HDAC4: variants seen among roughly 807,000 people sequenced by gnomAD.
HDAC4 encodes the protein histone deacetylase 4, also known as histone deacetylase A.
HDAC4 carries 16 observed loss-of-function variants against 135.1 expected under a neutral mutation model. That is an observed-to-expected ratio of 0.12 (90% confidence interval 0.08 to 0.18). HDAC4 has a LOEUF of 0.18. Among genes scored for constraint, HDAC4 ranks in the 10% least tolerant of loss-of-function variants. The probability of loss-of-function intolerance (pLI) is 1.00; values close to 1 mark genes in which losing one functional copy is unlikely to be tolerated. For synonymous variants in HDAC4, 685 were observed against 653.4 expected (o/e 1.05, Z -0.74); for missense variants, 1,143 against 1,511.8 (o/e 0.76, Z 4.05).
intron 7 of HDAC4, among the ~76,000 whole-genome samples, chr2:239,152,620 C>A (rs919292429): frequency 1.3e-5 from 2 of 152,196 alleles, no homozygotes; most frequent in Non-Finnish European, 2.9e-5. Context: ...AAGCCAGGAG[C>A]GAGGAGATGA....
At chr2:239,342,998 G>C (rs1692389110) in intron 2 of HDAC4, among the ~76,000 whole-genome samples, 2 of 152,162 alleles carry the variant, frequency 1.3e-5, no homozygotes. Flanking sequence ...GGGGGAAGGA[G>C]AGAGAAGCAA....
rs538893608 is a variant in HDAC4 at position 239,161,837 on chromosome 2, C to A, written c.611+1966G>T. 839 of 384,412 alleles carry A rather than the reference C, an allele frequency of 2.2e-3. 8 individuals carry two copies. The highest frequency in any genetic ancestry group is 0.016 in the African/African-American group (781 of 47,492). The allele number at this position is 384,412 out of a possible 1,614,324, so 23.8% of individuals were successfully genotyped here. On this transcript the variant is annotated intron_variant, in intron 6 of 26. Transcript: ENST00000543185. ...TTTGCCACCCCTCCTCCCTGGAAGC[C>A]CCCCATCTCCCGTCTCTCAGCACGT...
At position 239,331,520 on chromosome 2, in the gene HDAC4, G is replaced by A. The variant is rs1452116944; in HGVS notation, c.22+21158C>T. 6.6e-6 allele frequency among the ~76,000 whole-genome samples: 1 copy of A among 152,202 alleles called. No individual in the cohort carries two copies. Among genetic ancestry groups the A allele is most frequent in the Admixed American group, 6.5e-5 (1 of 15,282 alleles). ...CAACATAAAGATGAATGCAAGCCTGGAAAGCAAGCTGGGACTCGTGAACTA... is the reference window on the plus strand; with the variant it reads ...CAACATAAAGATGAATGCAAGCCTGAAAAGCAAGCTGGGACTCGTGAACTA... On this transcript the variant is annotated intron_variant, in intron 2 of 26. Transcript: ENST00000543185. This position sits in a 1 kb window ranked among gnomAD's most constrained non-coding sequence, Gnocchi z 4.5.
intron 2 of HDAC4, among the ~76,000 whole-genome samples, chr2:239,347,554 C>T (rs76639971): frequency 0.017 from 2,620 of 152,300 alleles, 42 homozygotes; most frequent in East Asian, 0.093. Flanking sequence ...CTTGCTCTGT[C>T]GGCCAGGCTA....
chr2:239,367,746 G>T (rs1173501832), intron 1 of HDAC4, among the ~76,000 whole-genome samples: 3 of 152,166 alleles, frequency 2.0e-5, no homozygotes, highest in African/African-American at 7.2e-5. Flanking sequence ...TCAGCACTTT[G>T]GGAGGCTGAG....
Position 239,095,021 on chromosome 2 carries a change from C to G in HDAC4, c.2269G>C (p.Gly757Arg). 1 of 1,613,886 alleles carries G rather than the reference C, an allele frequency of 6.2e-7. No individual in the cohort carries two copies. The highest frequency in any genetic ancestry group is 8.5e-7 in the Non-Finnish European group (1 of 1,179,994). ...AAAGGAACACTTACCCCAACACCAC[C>G]GCAAGGGAGCCGGACGAACACGGAG... is the stretch of plus-strand genomic sequence containing the variant. ...LASVFVRLPC[G>R]GVGVDSDTIW... Residue 757 changes from glycine (G) to arginine (R), a missense_variant, in exon 17 of 27, where the codon GGT becomes CGT. Physicochemically the swap from Gly to Arg is moderately radical, Grantham distance 125. This residue lies in a region of HDAC4 where 49 missense variants were observed against 55.6 expected (regional missense o/e 0.88). Coordinates refer to ENST00000543185, the MANE Select transcript of HDAC4 (RefSeq NM_001378414.1).
intron 14 of HDAC4, 83 bp from the exon 15 acceptor site, chr2:239,108,266 G>A (rs1385323156): frequency 2.7e-6 from 4 of 1,500,844 alleles, no homozygotes; most frequent in African/African-American, 1.4e-5. Flanking sequence ...CCGGGTGGTG[G>A]CGGAACCACC....
At chr2:239,082,283 A>C in intron 20 of HDAC4, 62 bp from the exon 21 acceptor site, 2 of 1,608,456 alleles carry the variant, frequency 1.2e-6, no homozygotes, top group Non-Finnish European at 1.7e-6. Context: ...GCCTCCCCTG[A>C]GGGCCGTCCC....
Position 239,090,650 on chromosome 2 carries a change from G to GAA in HDAC4, c.2281-536_2281-535dup, listed in dbSNP as rs201534156. Among the ~76,000 whole-genome samples, 837 of 145,438 alleles carry GAA rather than the reference G, an allele frequency of 5.8e-3. 5 individuals are homozygous for GAA. The highest frequency in any genetic ancestry group is 0.018 in the African/African-American group (695 of 39,484). ...ACAGTGAGGCTCTGTCTCCAAAAAG[G>GAA]AAAAAAAAAAAACTGGAAACTTTTT... On this transcript the variant is annotated intron_variant, in intron 17 of 26. Coordinates refer to ENST00000543185, the MANE Select transcript of HDAC4 (RefSeq NM_001378414.1).
intron 2 of HDAC4, among the ~76,000 whole-genome samples, chr2:239,295,261 C>T (rs377156646): frequency 1.5e-5 from 2 of 130,366 alleles, no homozygotes; most frequent in African/African-American, 2.9e-5. Flanking sequence ...GAGCCGAGAT[C>T]GCGCCCCTGC....
intron 2 of HDAC4, among the ~76,000 whole-genome samples, chr2:239,287,132 C>T (rs2051184053): frequency 1.3e-5 from 2 of 152,198 alleles, no homozygotes; most frequent in Admixed American, 1.3e-4. Flanking sequence ...CGTCACACTT[C>T]GTGAGCCCAC....
chr2:239,198,673 C>T (rs1198981281), intron 3 of HDAC4, among the ~76,000 whole-genome samples: 1 of 152,214 alleles, frequency 6.6e-6, no homozygotes, highest in African/African-American at 2.4e-5. Context: ...TCTGCTGAAT[C>T]GCTGTGACTC....
chr2:239,304,531 T>C (rs979642608), intron 2 of HDAC4, among the ~76,000 whole-genome samples: 2 of 152,160 alleles, frequency 1.3e-5, no homozygotes, highest in Non-Finnish European at 2.9e-5. Flanking sequence ...ACGTGCAAAG[T>C]GAGTTGCTTA....
At chr2:239,311,783 G>T (rs1410501162) in intron 2 of HDAC4, among the ~76,000 whole-genome samples, 1 of 152,202 alleles carries the variant, frequency 6.6e-6, no homozygotes, top group Non-Finnish European at 1.5e-5. Context: ...AATGATCATG[G>T]AACAGTGATG....
In HDAC4 at chr2:239,262,743, G is replaced by A. The variant is rs542695950; in HGVS notation, c.23-26079C>T. Among the ~76,000 whole-genome samples, 1 of 152,210 alleles carries A rather than the reference G, an allele frequency of 6.6e-6. No homozygotes were observed. Among genetic ancestry groups the A allele is most frequent in the African/African-American group, 2.4e-5 (1 of 41,464 alleles). Reference sequence around the variant, plus strand: ...GCGCAACGGGCACAGGGCATTCTGTGGGCCACGCTCGCAGCCCAAGAACAC... The same window carrying A: ...GCGCAACGGGCACAGGGCATTCTGTAGGCCACGCTCGCAGCCCAAGAACAC... On this transcript the variant is annotated intron_variant, in intron 2 of 26. Transcript: ENST00000543185. The surrounding 1 kb of genome is among the most constrained non-coding windows in gnomAD (Gnocchi z 4.1).
Position 239,382,108 on chromosome 2 carries a change from G to A in HDAC4, c.-220+18870C>T, listed in dbSNP as rs756026590. Among the ~76,000 whole-genome samples the A allele has an allele frequency of 2.0e-5, 3 of 152,230 alleles. 1 individual carries two copies. The highest frequency in any genetic ancestry group is 7.2e-5 in the African/African-American group (3 of 41,466). On this transcript the variant is annotated intron_variant, in intron 1 of 26. Transcript: ENST00000543185. ...CTCCATATTCCTCAGCACAATCAGC[G>A]ACAGCACAGACTCACACCAGCAGGA...
rs553331879 is a variant in HDAC4 at position 239,051,430 on chromosome 2, T to A, written c.*1667A>T. On this transcript the variant is annotated 3_prime_UTR_variant, in exon 27 of 27. Coordinates refer to ENST00000543185, the MANE Select transcript of HDAC4 (RefSeq NM_001378414.1). Reference sequence around the variant, plus strand: ...AAAACCTTTGAAAGGTAAAAAAAAATGTACAAGCAAGAATTCAGAAAGGAA... The same window carrying A: ...AAAACCTTTGAAAGGTAAAAAAAAAAGTACAAGCAAGAATTCAGAAAGGAA... 6.6e-6 allele frequency: 1 copy of A among 151,904 alleles called. No individual in the cohort carries two copies. The highest frequency in any genetic ancestry group is 2.4e-5 in the African/African-American group (1 of 41,312). The allele number at this position is 151,904 out of a possible 1,614,324, so 9.4% of individuals were successfully genotyped here. A position where few individuals can be genotyped will look rare whatever the true frequency, so the allele number is the denominator to read the frequency against.
intron 1 of HDAC4, among the ~76,000 whole-genome samples, chr2:239,397,740 C>T (rs546650949): frequency 6.6e-6 from 1 of 152,342 alleles, no homozygotes; most frequent in South Asian, 2.1e-4. Context: ...AACTTACTGA[C>T]CTTAGTGACA....
intron 6 of HDAC4, among the ~76,000 whole-genome samples, chr2:239,158,494 T>C (rs1264759038): frequency 2.0e-5 from 3 of 152,162 alleles, no homozygotes; most frequent in East Asian, 3.8e-4. Flanking sequence ...GACGTTCTCT[T>C]ACTATTCTGA....
Sources: allele counts gnomAD v4.1 joint callset (sites outside exome capture counted in the v4.1 genomes callset), GRCh38; gene constraint gnomAD v4.1.1; regional missense constraint gnomAD v4.1.1; non-coding constraint Gnocchi (gnomAD v3.1); transcripts MANE v1.5; gene names NCBI Gene and HGNC (gene_info 2026-07-23, HGNC 2026-07-21).